ABCA5: variants seen among roughly 807,000 people sequenced by gnomAD.
ABCA5 encodes the protein cholesterol transporter ABCA5.
In ABCA5, 163 loss-of-function variants were observed where a neutral mutation model predicts 206.0. That is an observed-to-expected ratio of 0.79 (90% CI 0.70 to 0.90). The LOEUF is 0.90. ABCA5 is among the 40% of genes least tolerant of loss of function. ABCA5 has a pLI of 0.00. For missense variants in ABCA5, 1,859 were observed against 1,912.9 expected (o/e 0.97, Z 0.53); for synonymous variants, 609 against 613.8 (o/e 0.99, Z 0.11).
intron 26 of ABCA5, 95 bp downstream of exon 26, chr17:69,261,030 G>T: frequency 9.8e-7 from 1 of 1,020,396 alleles, no homozygotes; most frequent in Non-Finnish European, 1.4e-6. Flanking sequence ...TTAGCCCAAT[G>T]CATTTTACTG....
At chr17:69,309,554 GA>G in intron 3 of ABCA5, 131 bp from the exon 4 acceptor site, 1 of 706,680 alleles carries the variant, frequency 1.4e-6, no homozygotes, top group Non-Finnish European at 2.1e-6. Context: ...CTTAAAAAAT[GA>G]AAACAGTCCA....
At chr17:69,266,517 T>C (rs1457981077) in intron 23 of ABCA5, among the ~76,000 whole-genome samples, 1 of 150,708 alleles carries the variant, frequency 6.6e-6, no homozygotes, top group Non-Finnish European at 1.5e-5. Context: ...TGTATACATA[T>C]GTAACTAACC....
At position 69,256,233 on chromosome 17, in the gene ABCA5, T is replaced by G; in HGVS notation, c.3782A>C (p.Asn1261Thr). 6.2e-7 allele frequency: 1 copy of G among 1,610,244 alleles called. No individual in the cohort carries two copies. ...KNRKLPEPPD[N>T]EDEDEDVKAE... ...TTTGACATCTTCATCTTCATCCTCA[T>G]TGTCTGGTGGTTCTGGAAGCTTCCT... The change falls in exon 29 of 39, where the codon AAT becomes ACT. Residue 1261 changes from asparagine to threonine, a missense_variant. Coordinates refer to ENST00000392676, the MANE Select transcript of ABCA5 (RefSeq NM_172232.4).
At chr17:69,279,914 TA>T (rs2075373238) in intron 18 of ABCA5, among the ~76,000 whole-genome samples, 1 of 152,128 alleles carries the variant, frequency 6.6e-6, no homozygotes, top group Admixed American at 6.5e-5. Context: ...ACGTTAGACC[TA>T]AAACCATAAA....
chr17:69,254,611 C>G (rs2075053820), intron 31 of ABCA5, 121 bp from the exon 32 acceptor site: 1 of 615,102 alleles, frequency 1.6e-6, no homozygotes, highest in East Asian at 3.1e-5. Context: ...ATTTGTACTC[C>G]TTTATTGTCA....
At chr17:69,310,408 T>G (rs561509153) in intron 3 of ABCA5, among the ~76,000 whole-genome samples, 1 of 152,326 alleles carries the variant, frequency 6.6e-6, no homozygotes, top group East Asian at 1.9e-4. Flanking sequence ...CCGGACTAGT[T>G]GGGATTACAG....
chr17:69,269,951 A>G (rs2075254053), intron 22 of ABCA5, among the ~76,000 whole-genome samples: 1 of 152,084 alleles, frequency 6.6e-6, no homozygotes, highest in Non-Finnish European at 1.5e-5. Flanking sequence ...TAATGAGTAT[A>G]AGGGTTATTT....
intron 10 of ABCA5, among the ~76,000 whole-genome samples, chr17:69,296,464 G>A (rs1380588637): frequency 6.6e-6 from 1 of 152,040 alleles, no homozygotes; most frequent in Non-Finnish European, 1.5e-5. Context: ...AAAAATTAAA[G>A]TAATGAAATG....
At chr17:69,255,408 T>G (rs1287139315) in intron 31 of ABCA5, 135 bp downstream of exon 31, 4 of 527,542 alleles carry the variant, frequency 7.6e-6, no homozygotes, top group Non-Finnish European at 1.3e-5. Flanking sequence ...AAGATCATAA[T>G]TTGATCAGGC....
intron 38 of ABCA5, 116 bp from the exon 39 acceptor site, chr17:69,247,760 A>G (rs1453495738): frequency 1.9e-6 from 1 of 520,324 alleles, no homozygotes; most frequent in African/African-American, 2.0e-5. Context: ...AAGTATCAAG[A>G]GATTTATTAA....
In ABCA5 at chr17:69,291,256, T is replaced by A. The variant is rs781772012; in HGVS notation, c.1566A>T (p.Thr522=). ...LLGHSGTGKS[T]LMNILCGLCP... is the part of the protein sequence containing the mutation. ...AGAGTCCACAAAGAATATTCATCAA[T>A]GTACTCTTTCCTGTTCCACTGTGGC... The change falls in exon 12 of 39, where the codon ACA becomes ACT. Residue 522 remains threonine, a synonymous_variant. Transcript: ENST00000392676. The A allele has an allele frequency of 3.7e-6, 6 of 1,610,336 alleles. No individual in the cohort carries two copies. The highest frequency in any genetic ancestry group is 5.1e-6 in the Non-Finnish European group (6 of 1,177,850).
intron 34 of ABCA5, 37 bp downstream of exon 34, chr17:69,253,536 A>G (rs367707617): frequency 3.7e-5 from 51 of 1,381,182 alleles, no homozygotes; most frequent in Middle Eastern, 1.8e-4. Flanking sequence ...GTTCTATTCT[A>G]AAGTATCATG....
Position 69,246,737 on chromosome 17 carries a change from T to C in ABCA5, c.*800A>G, listed in dbSNP as rs546261914. ...AAAAATTTATATGTTCCAAGAGTGA[T>C]GAAGGAAAAGGTATGGCTTAATTCT... On this transcript the variant is annotated 3_prime_UTR_variant, in exon 39 of 39. Coordinates refer to ENST00000392676, the MANE Select transcript of ABCA5 (RefSeq NM_172232.4). 8.2e-4 allele frequency: 124 copies of C among 152,036 alleles called. No homozygotes were observed. The highest frequency in any genetic ancestry group is 2.9e-3 in the African/African-American group (121 of 41,572). The allele number at this position is 152,036 out of a possible 1,614,324, so 9.4% of individuals were successfully genotyped here. A position where few individuals can be genotyped will look rare whatever the true frequency, so the allele number is the denominator to read the frequency against.
chr17:69,318,239 C>T (rs889753086), intron 1 of ABCA5, among the ~76,000 whole-genome samples: 5 of 151,850 alleles, frequency 3.3e-5, no homozygotes, highest in African/African-American at 9.7e-5. Context: ...GGATTACAGG[C>T]GCCTGCCACC....
In ABCA5 at chr17:69,313,178, A is replaced by T; in HGVS notation, c.221T>A (p.Leu74His). The change falls in exon 3 of 39, where the codon CTT (leucine) becomes CAT (histidine). Residue 74 changes from leucine to histidine, a missense_variant. Transcript: ENST00000392676. ...IELNPMDKFT[L>H]SNLILGYTPV... ...AGTATATCCAAGAATTAGATTAGAA[A>T]GAGTAAACTTGTCCATAGGATTGAG... 1 of 1,606,452 alleles carries T rather than the reference A, an allele frequency of 6.2e-7. No individual in the cohort carries two copies. Among genetic ancestry groups the T allele is most frequent in the African/African-American group, 1.3e-5 (1 of 74,876 alleles).
chr17:69,268,257 C>T (rs889377126), intron 22 of ABCA5, among the ~76,000 whole-genome samples: 2 of 152,040 alleles, frequency 1.3e-5, no homozygotes, highest in Middle Eastern at 3.2e-3. Context: ...ACCAACTCTG[C>T]CACTTATTAA....
In ABCA5 at chr17:69,256,289, T is replaced by C. The variant is rs767735960; in HGVS notation, c.3732-6A>G. Reference sequence around the variant, plus strand: ...TAGACTTCGTTGAAAGGTTTCTACATATATATAATAAATATAAAAGACAGT... The same window carrying C: ...TAGACTTCGTTGAAAGGTTTCTACACATATATAATAAATATAAAAGACAGT... On this transcript the variant is annotated splice_polypyrimidine_tract_variant and splice_region_variant and intron_variant, in intron 28 of 38. Coordinates refer to ENST00000392676, the MANE Select transcript of ABCA5 (RefSeq NM_172232.4). 1.2e-5 allele frequency: 19 copies of C among 1,525,568 alleles called. No individual in the cohort carries two copies. Among genetic ancestry groups the C allele is most frequent in the Non-Finnish European group, 1.7e-5 (19 of 1,129,988 alleles). The allele number at this position is 1,525,568 out of a possible 1,614,324, so 94.5% of individuals were successfully genotyped here. A position where few individuals can be genotyped will look rare whatever the true frequency, so the allele number is the denominator to read the frequency against.
chr17:69,312,300 A>G (rs922979546), intron 3 of ABCA5, among the ~76,000 whole-genome samples: 3 of 152,146 alleles, frequency 2.0e-5, no homozygotes, highest in Non-Finnish European at 4.4e-5. Flanking sequence ...ATTGAGAAAA[A>G]AGACTTAGGT....
intron 18 of ABCA5, among the ~76,000 whole-genome samples, chr17:69,280,477 G>A (rs575857360): frequency 8.0e-5 from 12 of 150,454 alleles, no homozygotes; most frequent in South Asian, 2.1e-4. Flanking sequence ...TCAGTGTGGC[G>A]ATTCCTCAGG....
Sources: gnomAD v4.1 joint callset for allele counts (sites outside exome capture counted in the v4.1 genomes callset) on GRCh38, gnomAD v4.1.1 for gene constraint, MANE v1.5 for transcripts, NCBI Gene and HGNC (gene_info 2026-07-23, HGNC 2026-07-21) for gene names.